Variants in BRWD1 observed in about 807,000 individuals in gnomAD.
BRWD1 encodes the protein bromodomain and WD repeat domain containing 1.
BRWD1 carries 82 observed loss-of-function variants against 251.2 expected under a neutral mutation model. That is an observed-to-expected ratio of 0.33 (90% CI 0.27 to 0.39). BRWD1 has a LOEUF of 0.39. Among genes scored for constraint, BRWD1 ranks in the 10% least tolerant of loss-of-function variants. The pLI, the probability that BRWD1 is intolerant of heterozygous loss-of-function variation, is 1.00. For synonymous variants in BRWD1, 918 were observed against 902.8 expected, an observed-to-expected ratio of 1.02 and a Z score of -0.30; for missense variants, 2,233 against 2,711.6, an observed-to-expected ratio of 0.82 and a Z score of 3.92.
At chr21:39,304,141 C>CAAAAAAAAAAAAAAAAAAAAAA (rs56990201) in intron 4 of BRWD1, among the ~76,000 whole-genome samples, 2 of 118,390 alleles carry the variant, frequency 1.7e-5, no homozygotes, top group Non-Finnish European at 3.4e-5. Context: ...AACTCTTTCT[C>CAAAAAAAAAAAAAAAAAAAAAA]AAAAAAAAAA....
Position 39,199,537 on chromosome 21 carries a change from T to C in BRWD1, c.4879A>G (p.Lys1627Glu). 2.5e-6 allele frequency: 4 copies of C among 1,614,192 alleles called. No homozygotes were observed. The highest frequency in any genetic ancestry group is 3.4e-6 in the Non-Finnish European group (4 of 1,180,034). The change falls in exon 40 of 41, where the codon AAA becomes GAA. Residue 1627 changes from lysine to glutamate, a missense_variant. Lys to Glu is a moderately conservative substitution (Grantham distance 56, BLOSUM62 1). Around this residue, in one of 12 missense-constraint regions of BRWD1, gnomAD observed 928 missense variants for 970.0 expected, o/e 0.96. Transcript: ENST00000342449. The part of the protein sequence containing the change: ...ILKARAGNNR[K>E]VLRKCAAVAA... ...ACAGCAGCACACTTCCTTAAGACTT[T>C]TCGGTTATTTCCAGCTCTGGCTTTT... is the stretch of plus-strand genomic sequence containing the variant.
chr21:39,243,469 G>C (rs933244487), intron 21 of BRWD1, among the ~76,000 whole-genome samples: 20 of 152,194 alleles, frequency 1.3e-4, no homozygotes, highest in African/African-American at 4.6e-4. Context: ...TTTTGACACA[G>C]TGTCTCACTG....
intron 21 of BRWD1, among the ~76,000 whole-genome samples, chr21:39,242,325 C>G (rs893035394): frequency 6.6e-6 from 1 of 152,196 alleles, no homozygotes; most frequent in East Asian, 1.9e-4. Flanking sequence ...CAATAACATT[C>G]CCTTAAGCCA....
intron 34 of BRWD1, 140 bp from the exon 35 acceptor site, chr21:39,211,069 A>C (rs2032635825): frequency 1.2e-6 from 1 of 837,598 alleles, no homozygotes. Flanking sequence ...CAGAAATGAA[A>C]TTTTTAAACT....
chr21:39,286,762 C>T (rs1015322322), intron 8 of BRWD1, among the ~76,000 whole-genome samples: 2 of 152,114 alleles, frequency 1.3e-5, no homozygotes, highest in African/African-American at 4.8e-5. Context: ...GATCCGCCCA[C>T]CTCGGCCTCC....
Position 39,185,734 on chromosome 21 carries a change from AAAAAAG to A in BRWD1, c.*10519_*10524del, listed in dbSNP as rs2031195885. On this transcript the variant is annotated 3_prime_UTR_variant, in exon 41 of 41. Coordinates refer to ENST00000342449, the MANE Select transcript of BRWD1 (RefSeq NM_033656.4). The stretch of plus-strand genomic sequence containing the variant: ...AAAAAAAAAAAAATGCATTTGACTT[AAAAAAG>A]AAATAGAAAACCCTAGGTTTCTGTA... 1 of 152,136 alleles carries A rather than the reference AAAAAAG, an allele frequency of 6.6e-6. No individual in the cohort carries two copies. 9.4% of individuals were successfully genotyped at this position (152,136 alleles called of 1,614,324 possible).
chr21:39,226,494 T>G (rs1226669547), intron 27 of BRWD1, among the ~76,000 whole-genome samples: 1 of 152,168 alleles, frequency 6.6e-6, no homozygotes, highest in East Asian at 1.9e-4. Context: ...TGTAGATAAT[T>G]CAGTTTTAAA....
chr21:39,195,744 A>G lies in BRWD1; in HGVS notation c.*515T>C, dbSNP rs190665106. 6.6e-6 allele frequency: 4 copies of G among 607,048 alleles called. No homozygotes were observed. Among genetic ancestry groups the G allele is most frequent in the East Asian group, 2.4e-4 (1 of 4,136 alleles). 37.6% of individuals were successfully genotyped at this position (607,048 alleles called of 1,614,324 possible). The stretch of plus-strand genomic sequence containing the variant: ...TTCTACTCAAGTAGCCAGGGGAAGA[A>G]AAAAAAAAAAGTGGTAGGTACCTCG... On this transcript the variant is annotated 3_prime_UTR_variant, in exon 41 of 41. Transcript: ENST00000342449.
chr21:39,313,839 G>T (rs1039198112), upstream of BRWD1: 6 of 341,538 alleles, frequency 1.8e-5, no homozygotes, highest in Admixed American at 5.4e-5. Context: ...AGCAGCGAGT[G>T]GGGGAGGGGA....
chr21:39,210,383 G>A (rs999453109), intron 35 of BRWD1, among the ~76,000 whole-genome samples: 1 of 152,256 alleles, frequency 6.6e-6, no homozygotes, highest in Middle Eastern at 3.4e-3. Context: ...ATTTCCTGCT[G>A]TATGTACTCC....
Position 39,191,850 on chromosome 21 carries a change from A to C in BRWD1, c.*4409T>G, listed in dbSNP as rs2031570176. ...CATTTAAGGGCTTTAATAAATGAAA[A>C]AACTTACCTTAAAACTGACATAACT... On this transcript the variant is annotated 3_prime_UTR_variant, in exon 41 of 41. Transcript: ENST00000342449. 1.0e-6 allele frequency: 1 copy of C among 984,856 alleles called. No individual in the cohort carries two copies. Among genetic ancestry groups the C allele is most frequent in the Non-Finnish European group, 1.2e-6 (1 of 829,578 alleles). 61.0% of individuals were successfully genotyped at this position (984,856 alleles called of 1,614,324 possible).
intron 37 of BRWD1, among the ~76,000 whole-genome samples, chr21:39,204,731 A>G (rs1189023576): frequency 6.6e-6 from 1 of 152,224 alleles, no homozygotes; most frequent in Non-Finnish European, 1.5e-5. Context: ...GGCAGAGTTC[A>G]AGACAAAACT....
intron 14 of BRWD1, 114 bp from the exon 15 acceptor site, chr21:39,270,147 T>C (rs1374090186): frequency 1.7e-6 from 2 of 1,209,690 alleles, no homozygotes; most frequent in Non-Finnish European, 2.2e-6. Flanking sequence ...CAATAATTTA[T>C]AATTATAAAA....
chr21:39,219,768 T>C (rs2033098796), intron 29 of BRWD1: 1 of 152,220 alleles, frequency 6.6e-6, no homozygotes, highest in African/African-American at 2.4e-5. Flanking sequence ...GTCTTTTAGC[T>C]GAGAGATGGG....
chr21:39,209,861 A>G, intron 36 of BRWD1, 134 bp downstream of exon 36: 1 of 865,296 alleles, frequency 1.2e-6, no homozygotes, highest in South Asian at 2.9e-5. Flanking sequence ...AATAGTCTTA[A>G]TTTATTCACT....
chr21:39,254,559 G>A (rs1568919914), intron 19 of BRWD1, among the ~76,000 whole-genome samples: 1 of 152,164 alleles, frequency 6.6e-6, no homozygotes, highest in Non-Finnish European at 1.5e-5. Context: ...GTTGAATAAT[G>A]AAAAGGAATA....
intron 26 of BRWD1, 115 bp downstream of exon 26, chr21:39,229,197 T>C (rs2033507221): frequency 7.7e-6 from 7 of 907,106 alleles, no homozygotes; most frequent in Admixed American, 2.5e-5. Flanking sequence ...TCTTAGGCTA[T>C]CCACAGTGCT....
chr21:39,232,619 G>T, intron 23 of BRWD1, 121 bp from the exon 24 acceptor site: 1 of 1,152,694 alleles, frequency 8.7e-7, no homozygotes, highest in Non-Finnish European at 1.2e-6. Context: ...TCCATCTAAT[G>T]ATTAGTTTTC....
At chr21:39,247,310 G>A (rs771280364) in intron 21 of BRWD1, among the ~76,000 whole-genome samples, 4 of 152,150 alleles carry the variant, frequency 2.6e-5, no homozygotes, top group Non-Finnish European at 5.9e-5. Context: ...CAGAACGCTG[G>A]GGAATAGAAT....
Sources: gnomAD v4.1 joint callset for allele counts (sites outside exome capture counted in the v4.1 genomes callset) on GRCh38, gnomAD v4.1.1 for gene constraint, gnomAD v4.1.1 regional missense constraint, MANE v1.5 for transcripts, NCBI Gene and HGNC (gene_info 2026-07-23, HGNC 2026-07-21) for gene names.